Variants in GLIS3 observed in about 807,000 individuals in gnomAD.
GLIS3 encodes the protein GLIS family zinc finger 3.
Under a neutral mutation model 78.6 loss-of-function variants are expected in GLIS3, and 53 were observed. The observed-to-expected ratio is 0.67, with a 90% confidence interval of 0.54 to 0.85. GLIS3 has a LOEUF of 0.85. Among genes scored for constraint, GLIS3 ranks in the 40% least tolerant of loss-of-function variants. The pLI is 0.00. For missense variants in GLIS3, 1,703 were observed against 1,231.1 expected, an observed-to-expected ratio of 1.38 and a Z score of -5.74; for synonymous variants, 684 against 509.9, an observed-to-expected ratio of 1.34 and a Z score of -4.60.
intron 7 of GLIS3, among the ~76,000 whole-genome samples, chr9:3,889,085 A>C (rs73384273): frequency 0.014 from 2,060 of 152,032 alleles, 44 homozygotes; most frequent in African/African-American, 0.044. Flanking sequence ...AATTTGAGAT[A>C]CTTTCCTTTC....
At chr9:3,896,364 G>A (rs1010626162) in intron 7 of GLIS3, among the ~76,000 whole-genome samples, 4 of 152,034 alleles carry the variant, frequency 2.6e-5, no homozygotes, top group Non-Finnish European at 5.9e-5. Context: ...AGGGAAGGAG[G>A]AATAAGGAAA....
At chr9:3,941,884 T>C (rs1396335985) in intron 4 of GLIS3, among the ~76,000 whole-genome samples, 1 of 152,246 alleles carries the variant, frequency 6.6e-6, no homozygotes, top group Admixed American at 6.5e-5. Flanking sequence ...ATAACTGGAC[T>C]GTAATCACCA....
At chr9:4,010,436 G>A (rs574179547) in intron 4 of GLIS3, among the ~76,000 whole-genome samples, 1 of 152,178 alleles carries the variant, frequency 6.6e-6, no homozygotes, top group African/African-American at 2.4e-5. Context: ...TAGAAGCCCA[G>A]GAATACTCCA....
intron 9 of GLIS3, among the ~76,000 whole-genome samples, chr9:3,841,466 AC>A (rs1431546431): frequency 3.3e-5 from 5 of 152,214 alleles, no homozygotes; most frequent in African/African-American, 1.2e-4. Flanking sequence ...AGAGACAGTA[AC>A]ACTCACATGG....
chr9:4,129,778 T>C (rs1402480739), intron 2 of GLIS3, among the ~76,000 whole-genome samples: 1 of 152,228 alleles, frequency 6.6e-6, no homozygotes. Context: ...ATTACCATGA[T>C]ACCTGAAAAT....
intron 4 of GLIS3, among the ~76,000 whole-genome samples, chr9:4,110,634 A>G (rs1831131810): frequency 6.6e-6 from 1 of 152,168 alleles, no homozygotes; most frequent in African/African-American, 2.4e-5. Context: ...TGAAGGACAC[A>G]TGGCTTCCCA....
At chr9:4,436,173 T>A in the GLIS3 span, among the ~76,000 whole-genome samples, 1 of 152,088 alleles carries the variant, frequency 6.6e-6, no homozygotes, top group Non-Finnish European at 1.5e-5. Flanking sequence ...GTTACAGATA[T>A]GAAGATGATC....
At chr9:4,036,007 C>A (rs1399152896) in intron 4 of GLIS3, 1 of 152,244 alleles carries the variant, frequency 6.6e-6, no homozygotes, top group Non-Finnish European at 1.5e-5. Context: ...ATGACTTGGC[C>A]TTGAGCCGCC....
chr9:3,932,552 T>C, intron 5 of GLIS3, 82 bp from the exon 6 acceptor site: 1 of 998,200 alleles, frequency 1.0e-6, no homozygotes. Flanking sequence ...GACTATTGAC[T>C]TCAGAGCATG....
At chr9:3,870,084 G>C (rs976086921) in intron 8 of GLIS3, among the ~76,000 whole-genome samples, 2 of 152,196 alleles carry the variant, frequency 1.3e-5, no homozygotes, top group African/African-American at 2.4e-5. Context: ...TAGAGCTAAA[G>C]AACTTTACAG....
At chr9:3,886,363 G>A (rs1301179635) in intron 7 of GLIS3, among the ~76,000 whole-genome samples, 1 of 152,140 alleles carries the variant, frequency 6.6e-6, no homozygotes, top group Non-Finnish European at 1.5e-5. Context: ...CACGAGTAGA[G>A]TAATACACAC....
chr9:4,050,056 T>C (rs556667027), intron 4 of GLIS3, among the ~76,000 whole-genome samples: 3 of 152,266 alleles, frequency 2.0e-5, no homozygotes, highest in Non-Finnish European at 2.9e-5. Flanking sequence ...CTCAGGGATC[T>C]AGAACTAGAA....
chr9:4,463,015 C>T, the GLIS3 span, among the ~76,000 whole-genome samples: 3 of 152,180 alleles, frequency 2.0e-5, no homozygotes, highest in African/African-American at 7.2e-5. Context: ...CAACAATCTT[C>T]CTGGCATTTT....
At chr9:4,469,701 C>T in the GLIS3 span, among the ~76,000 whole-genome samples, 1 of 152,134 alleles carries the variant, frequency 6.6e-6, no homozygotes, top group African/African-American at 2.4e-5. Flanking sequence ...CTAAAATCGA[C>T]AACCTAACAT....
At chr9:4,074,124 A>G (rs2130653751) in intron 4 of GLIS3, among the ~76,000 whole-genome samples, 1 of 152,280 alleles carries the variant, frequency 6.6e-6, no homozygotes, top group Middle Eastern at 3.4e-3. Flanking sequence ...AATGCAAGTC[A>G]CAAGTTAGTC....
chr9:4,050,386 GAATTGAAC>G (rs1296580773), intron 4 of GLIS3, among the ~76,000 whole-genome samples: 1 of 152,016 alleles, frequency 6.6e-6, no homozygotes, highest in Non-Finnish European at 1.5e-5. Context: ...TCACAGGTGG[GAATTGAAC>G]AATGAGAACA....
intron 2 of GLIS3, among the ~76,000 whole-genome samples, chr9:4,249,234 T>C (rs151179403): frequency 3.9e-5 from 6 of 152,362 alleles, no homozygotes; most frequent in African/African-American, 1.4e-4. Flanking sequence ...CTTCAAGATA[T>C]TGATTCTTCC....
intron 2 of GLIS3, among the ~76,000 whole-genome samples, chr9:4,227,032 C>T (rs1821827046): frequency 6.6e-6 from 1 of 152,182 alleles, no homozygotes; most frequent in African/African-American, 2.4e-5. Context: ...AGAGTTCTTG[C>T]ATGCAAGGGG....
chr9:4,129,000 G>A (rs949502932), intron 2 of GLIS3, among the ~76,000 whole-genome samples: 3 of 152,150 alleles, frequency 2.0e-5, no homozygotes, highest in African/African-American at 7.2e-5. Flanking sequence ...AAAATTAATG[G>A]TGAACTTCTT....
Sources: allele counts gnomAD v4.1 joint callset (sites outside exome capture counted in the v4.1 genomes callset), GRCh38; gene constraint gnomAD v4.1.1; transcripts MANE v1.5; gene names NCBI Gene and HGNC (gene_info 2026-07-23, HGNC 2026-07-21).